The following ATRNL1 variants were observed in gnomAD, a reference collection of about 807,000 sequenced individuals.
ATRNL1 encodes attractin like 1, also known as attractin-like protein 1.
In ATRNL1, 95 loss-of-function variants were observed where a neutral mutation model predicts 182.7. The observed-to-expected ratio is 0.52, with a 90% CI of 0.44 to 0.62. ATRNL1 has a LOEUF of 0.62. Ranked by LOEUF, ATRNL1 falls within the 20% of genes least tolerant of loss-of-function variation. ATRNL1 has a pLI of 0.00. For missense variants in ATRNL1, 1,471 were observed against 1,679.5 expected (o/e 0.88, Z 2.17); for synonymous variants, 576 against 568.3 (o/e 1.01, Z -0.19).
At chr10:115,487,014 T>C (rs1417383227) in intron 24 of ATRNL1, among the ~76,000 whole-genome samples, 1 of 152,126 alleles carries the variant, frequency 6.6e-6, no homozygotes, top group African/African-American at 2.4e-5. Context: ...CCATTGCTTG[T>C]TTTTTGTCAG....
At chr10:115,319,869 T>C (rs151188892) in intron 18 of ATRNL1, among the ~76,000 whole-genome samples, 94 of 152,294 alleles carry the variant, frequency 6.2e-4, no homozygotes, top group African/African-American at 2.1e-3. Context: ...TGTCTTTTAA[T>C]TGGGGGATTT....
At chr10:115,685,274 C>T (rs1694981837) in intron 26 of ATRNL1, among the ~76,000 whole-genome samples, 1 of 151,688 alleles carries the variant, frequency 6.6e-6, no homozygotes, top group Admixed American at 6.6e-5. Context: ...AATTATTCAT[C>T]TTTATTTCTA....
intron 28 of ATRNL1, among the ~76,000 whole-genome samples, chr10:115,888,634 T>A (rs1215063460): frequency 6.6e-6 from 1 of 152,240 alleles, no homozygotes; most frequent in African/African-American, 2.4e-5. Flanking sequence ...CTACAATAAT[T>A]ACTATGCATT....
intron 5 of ATRNL1, among the ~76,000 whole-genome samples, chr10:115,143,318 A>G (rs1554878496): frequency 6.6e-6 from 1 of 152,168 alleles, no homozygotes; most frequent in African/African-American, 2.4e-5. Flanking sequence ...TGCATAGGAC[A>G]ATGTAAAATG....
chr10:115,612,757 C>A (rs1483098556), intron 26 of ATRNL1, among the ~76,000 whole-genome samples: 3 of 152,296 alleles, frequency 2.0e-5, no homozygotes, highest in African/African-American at 7.2e-5. Context: ...TGTAATAGTT[C>A]TTATCATAGG....
chr10:115,293,551 C>A (rs1554921645), intron 15 of ATRNL1, among the ~76,000 whole-genome samples: 1 of 151,916 alleles, frequency 6.6e-6, no homozygotes, highest in Non-Finnish European at 1.5e-5. Context: ...GTTGGCTCTA[C>A]CAGTGAGTTT....
At chr10:115,794,340 C>T (rs776228559) in intron 27 of ATRNL1, among the ~76,000 whole-genome samples, 1 of 152,154 alleles carries the variant, frequency 6.6e-6, no homozygotes, top group Non-Finnish European at 1.5e-5. Context: ...ACATTTTCCA[C>T]ATAACCACAA....
intron 27 of ATRNL1, among the ~76,000 whole-genome samples, chr10:115,729,536 T>TGTGTGTGTGTGTGTGTGTGTGTG (rs1593135565): frequency 6.8e-6 from 1 of 146,004 alleles, no homozygotes; most frequent in African/African-American, 2.5e-5. Context: ...TGTGTGTGTG[T>TGTGTGTGTGTGTGTGTGTGTGTG]TGTTACTAGC....
rs868987484 is a variant in ATRNL1, at chr10:115,300,100, C to T, written c.2482C>T (p.Pro828Ser). 1 of 1,613,936 alleles carries T rather than the reference C, an allele frequency of 6.2e-7. No homozygotes were observed. Among genetic ancestry groups the T allele is most frequent in the Non-Finnish European group, 8.5e-7 (1 of 1,179,944 alleles). ...CTATTGGGGATGGGAAGACATGTCT[C>T]CTTTTACAAACACAACACTACAGTG... is the stretch of plus-strand genomic sequence containing the variant. Reference protein sequence around the residue: ...ISYWGWEDMSPFTNTTLQWLP... With the variant: ...ISYWGWEDMSSFTNTTLQWLP... The change falls in exon 16 of 29, where the codon CCT becomes TCT. Residue 828 changes from proline to serine, a missense_variant. Coordinates refer to ENST00000355044, the MANE Select transcript of ATRNL1 (RefSeq NM_207303.4).
intron 19 of ATRNL1, among the ~76,000 whole-genome samples, chr10:115,381,668 T>C (rs1487577455): frequency 6.6e-6 from 1 of 151,792 alleles, no homozygotes; most frequent in African/African-American, 2.4e-5. Flanking sequence ...ATTGTCCTCT[T>C]ATTTTTTTGA....
intron 28 of ATRNL1, among the ~76,000 whole-genome samples, chr10:115,887,793 G>A (rs1020757466): frequency 1.3e-5 from 2 of 150,898 alleles, no homozygotes; most frequent in Non-Finnish European, 2.9e-5. Context: ...ATTTATCACC[G>A]AGTTCACTAT....
chr10:115,124,345 T>A (rs1844870880), intron 3 of ATRNL1, among the ~76,000 whole-genome samples: 1 of 152,132 alleles, frequency 6.6e-6, no homozygotes. Flanking sequence ...AGTTTTATCA[T>A]GAAGGATAGA....
chr10:115,337,002 CG>C (rs1855519645), intron 19 of ATRNL1, among the ~76,000 whole-genome samples: 1 of 150,674 alleles, frequency 6.6e-6, no homozygotes, highest in African/African-American at 2.4e-5. Context: ...TACAGGGGCC[CG>C]CCACCATGCC....
At chr10:115,367,491 G>C (rs1592534056) in intron 19 of ATRNL1, among the ~76,000 whole-genome samples, 1 of 150,722 alleles carries the variant, frequency 6.6e-6, no homozygotes, top group Non-Finnish European at 1.5e-5. Flanking sequence ...AGAGTAATTT[G>C]ATCATCTGAA....
chr10:115,762,047 G>A (rs2134146794), intron 27 of ATRNL1, among the ~76,000 whole-genome samples: 1 of 152,086 alleles, frequency 6.6e-6, no homozygotes, highest in African/African-American at 2.4e-5. Flanking sequence ...AAAAGAAATT[G>A]GCCATTGTCA....
In ATRNL1 at chr10:115,386,549, T is replaced by G. The variant is rs1484127846; in HGVS notation, c.3176-8110T>G. 2.0e-5 allele frequency among the ~76,000 whole-genome samples: 3 copies of G among 152,162 alleles called. No individual in the cohort carries two copies. The East Asian group carries it at 5.8e-4, about 29-fold the overall frequency. ...CTCGCATTTATTCAGTAAGACTGATTAACAAAGGCTTGAGTCAACACCAGT... is the reference window on the plus strand; with the variant it reads ...CTCGCATTTATTCAGTAAGACTGATGAACAAAGGCTTGAGTCAACACCAGT... On this transcript the variant is annotated intron_variant, in intron 19 of 28. Coordinates refer to ENST00000355044, the MANE Select transcript of ATRNL1 (RefSeq NM_207303.4).
At chr10:115,585,054 C>T (rs1169052062) in intron 26 of ATRNL1, among the ~76,000 whole-genome samples, 6 of 139,856 alleles carry the variant, frequency 4.3e-5, no homozygotes, top group African/African-American at 1.1e-4. Flanking sequence ...TGTAGTTGAG[C>T]GGTTTTGAGT....
At chr10:115,626,525 C>A (rs540788101) in intron 26 of ATRNL1, among the ~76,000 whole-genome samples, 1 of 152,062 alleles carries the variant, frequency 6.6e-6, no homozygotes, top group South Asian at 2.1e-4. Flanking sequence ...AAGTTAATAC[C>A]ATAGATTTTC....
intron 24 of ATRNL1, among the ~76,000 whole-genome samples, chr10:115,484,798 A>T (rs545248069): frequency 1.6e-4 from 25 of 152,080 alleles, no homozygotes; most frequent in African/African-American, 6.0e-4. Context: ...CTATTCAAAT[A>T]ATATGTTTGT....
Sources: gnomAD v4.1 joint callset for allele counts (sites outside exome capture counted in the v4.1 genomes callset) on GRCh38, gnomAD v4.1.1 for gene constraint, MANE v1.5 for transcripts, NCBI Gene and HGNC (gene_info 2026-07-23, HGNC 2026-07-21) for gene names.